Variants in CDH13 observed in about 807,000 individuals in gnomAD.
CDH13 encodes cadherin 13.
Under a neutral mutation model 63.8 loss-of-function variants are expected in CDH13, and 24 were observed. The observed-to-expected ratio is 0.38, with a 90% CI of 0.27 to 0.53. The LOEUF is 0.53. Among genes scored for constraint, CDH13 ranks in the 20% least tolerant of loss-of-function variants. The pLI is 0.85. For synonymous variants in CDH13, 503 were observed against 355.3 expected, an observed-to-expected ratio of 1.42 and a Z score of -4.67; for missense variants, 1,049 against 903.1, an observed-to-expected ratio of 1.16 and a Z score of -2.07.
chr16:83,349,790 G>T (rs940754981), intron 6 of CDH13, among the ~76,000 whole-genome samples: 6 of 151,918 alleles, frequency 3.9e-5, no homozygotes, highest in Non-Finnish European at 8.8e-5. Flanking sequence ...TAGTAGAGAT[G>T]GGGTTTCACC....
At position 83,663,552 on chromosome 16, in the gene CDH13, A is replaced by G. The variant is rs534339774; in HGVS notation, c.1102-7238A>G. ...TTATTCTTGAGACAAAATAACCCGA[A>G]AAGTTAGTGTCTACTTACAGTGCTC... On this transcript the variant is annotated intron_variant, in intron 8 of 13. Transcript: ENST00000567109. Among the ~76,000 whole-genome samples, 3 of 152,268 alleles carry G rather than the reference A, an allele frequency of 2.0e-5. No individual in the cohort carries two copies. In the South Asian group the frequency reaches 6.2e-4, roughly 32 times the overall value.
At chr16:83,078,368 T>C (rs1255273603) in intron 3 of CDH13, among the ~76,000 whole-genome samples, 1 of 152,152 alleles carries the variant, frequency 6.6e-6, no homozygotes, top group South Asian at 2.1e-4. Flanking sequence ...GGGGTGAAAG[T>C]GTTCCAGCTC....
chr16:82,911,715 C>T (rs1438337008), intron 2 of CDH13, among the ~76,000 whole-genome samples: 1 of 152,120 alleles, frequency 6.6e-6, no homozygotes, highest in Non-Finnish European at 1.5e-5. Flanking sequence ...AAGTATGGTC[C>T]TTCCCTTACG....
intron 1 of CDH13, among the ~76,000 whole-genome samples, chr16:82,658,734 C>T (rs983269021): frequency 5.9e-5 from 9 of 152,216 alleles, no homozygotes; most frequent in Admixed American, 5.9e-4. Context: ...GCCGTGACCT[C>T]TCTTCATTTG....
intron 2 of CDH13, among the ~76,000 whole-genome samples, chr16:82,965,247 C>T (rs1225110047): frequency 6.6e-6 from 1 of 152,202 alleles, no homozygotes; most frequent in Non-Finnish European, 1.5e-5. Context: ...TTTGCTTCTT[C>T]CCTCCCCACA....
intron 5 of CDH13, among the ~76,000 whole-genome samples, chr16:83,292,775 G>A (rs1375065870): frequency 6.6e-6 from 1 of 152,114 alleles, no homozygotes; most frequent in Non-Finnish European, 1.5e-5. Flanking sequence ...AGTGTTATAA[G>A]AGCTTGAACG....
intron 1 of CDH13, among the ~76,000 whole-genome samples, chr16:82,790,189 C>T (rs1028318289): frequency 6.6e-6 from 1 of 152,120 alleles, no homozygotes; most frequent in African/African-American, 2.4e-5. Context: ...ATAATCCCAG[C>T]CCTTTGGGAG....
At position 83,787,851 on chromosome 16, in the gene CDH13, G is replaced by C. The variant is rs147324993; in HGVS notation, c.2134+4379G>C. 8.5e-3 allele frequency among the ~76,000 whole-genome samples: 1,293 copies of C among 152,282 alleles called. 10 individuals are homozygous for C. The highest frequency in any genetic ancestry group is 0.012 in the Non-Finnish European group (790 of 68,022). On this transcript the variant is annotated intron_variant, in intron 13 of 13. Coordinates refer to ENST00000567109, the MANE Select transcript of CDH13 (RefSeq NM_001257.5). ...CCAGCTACTCGGGAGGCTGAGGCAG[G>C]AGAATCGCTTGAACCTGCCAGGCAG... is the stretch of plus-strand genomic sequence containing the variant.
At chr16:83,370,260 C>G (rs996658948) in intron 6 of CDH13, among the ~76,000 whole-genome samples, 1 of 151,750 alleles carries the variant, frequency 6.6e-6, no homozygotes, top group Non-Finnish European at 1.5e-5. Context: ...CGGTGGCGGG[C>G]GGCTATAGTC....
chr16:83,425,636 T>C (rs185436702), intron 6 of CDH13, among the ~76,000 whole-genome samples: 2 of 152,370 alleles, frequency 1.3e-5, no homozygotes, highest in Admixed American at 1.3e-4. Context: ...CCTAAACTTC[T>C]TTATGTCTTT....
chr16:83,417,101 C>G (rs1310438053), intron 6 of CDH13, among the ~76,000 whole-genome samples: 1 of 152,068 alleles, frequency 6.6e-6, no homozygotes, highest in African/African-American at 2.4e-5. Context: ...TGTTATTATT[C>G]CTACTTTACA....
chr16:83,224,494 C>T (rs1212047996), intron 5 of CDH13, among the ~76,000 whole-genome samples: 1 of 152,226 alleles, frequency 6.6e-6, no homozygotes, highest in Non-Finnish European at 1.5e-5. Flanking sequence ...GTGATCTTCA[C>T]TTCTGTCATC....
chr16:82,932,513 A>C (rs2042532236), intron 2 of CDH13, among the ~76,000 whole-genome samples: 1 of 152,214 alleles, frequency 6.6e-6, no homozygotes, highest in South Asian at 2.1e-4. Flanking sequence ...ATTGCTAAAG[A>C]ACTGGCAGAG....
intron 2 of CDH13, among the ~76,000 whole-genome samples, chr16:82,907,011 C>T (rs1354364006): frequency 6.6e-6 from 1 of 152,170 alleles, no homozygotes; most frequent in Non-Finnish European, 1.5e-5. Context: ...TCTGGATGAA[C>T]ATGGATTTTG....
chr16:82,807,288 G>A (rs950066301), intron 1 of CDH13, among the ~76,000 whole-genome samples: 7 of 151,998 alleles, frequency 4.6e-5, no homozygotes, highest in Non-Finnish European at 1.0e-4. Flanking sequence ...TTGTCCAAAA[G>A]ACAAAAAGGA....
intron 1 of CDH13, among the ~76,000 whole-genome samples, chr16:82,647,481 C>T (rs547248465): frequency 4.6e-5 from 7 of 152,068 alleles, no homozygotes; most frequent in African/African-American, 9.7e-5. Flanking sequence ...AGGAAACAGA[C>T]GAGGGGTCTG....
chr16:82,794,316 G>A (rs10514565), intron 1 of CDH13, among the ~76,000 whole-genome samples: 12,326 of 138,370 alleles, frequency 0.089, 666 homozygotes, highest in African/African-American at 0.14. Context: ...CTACAAACTC[G>A]CCAGCTCTGC....
chr16:83,254,205 C>A (rs548701709), intron 5 of CDH13, among the ~76,000 whole-genome samples: 3 of 152,290 alleles, frequency 2.0e-5, no homozygotes, highest in African/African-American at 7.2e-5. Context: ...AAATTAGCCT[C>A]CCCACCTGGG....
intron 1 of CDH13, among the ~76,000 whole-genome samples, chr16:82,757,720 T>G (rs2034671270): frequency 6.8e-6 from 1 of 146,148 alleles, no homozygotes; most frequent in African/African-American, 2.5e-5. Flanking sequence ...CTTGGTTCAC[T>G]GCAACCTCTG....
Sources: allele counts gnomAD v4.1 joint callset (sites outside exome capture counted in the v4.1 genomes callset), GRCh38; gene constraint gnomAD v4.1.1; transcripts MANE v1.5; gene names NCBI Gene and HGNC (gene_info 2026-07-23, HGNC 2026-07-21).